The following PAK3 variants were observed in gnomAD, a reference collection of about 807,000 sequenced individuals.
PAK3 encodes serine/threonine-protein kinase PAK 3.
In PAK3, 4 loss-of-function variants were observed where a neutral mutation model predicts 41.0. The ratio of observed to expected loss-of-function variants is 0.10; its 90% CI spans 0.05 to 0.22. The LOEUF (loss-of-function observed/expected upper bound fraction) is 0.22. Among genes scored for constraint, PAK3 ranks in the 10% least tolerant of loss-of-function variants. The pLI is 1.00. For missense variants in PAK3, 205 were observed against 409.9 expected (o/e 0.50, Z 4.32); for synonymous variants, 146 against 139.6 (o/e 1.05, Z -0.32).
At chrX:111,123,331 T>A in intron 5 of PAK3, 53 bp downstream of exon 5, 2 of 1,031,954 alleles carry the variant, frequency 1.9e-6, no homozygotes, top group Non-Finnish European at 2.7e-6. Flanking sequence ...TCTTTCATTT[T>A]CACTTTCTTT....
At chrX:111,025,258 A>G (rs1186128689) in intron 1 of PAK3, among the ~76,000 whole-genome samples, 2 of 110,888 alleles carry the variant, frequency 1.8e-5, no homozygotes, top group Non-Finnish European at 3.8e-5. Context: ...AACAACCCAA[A>G]CCTAAACCCA....
chrX:111,025,244 C>A (rs183098021), intron 1 of PAK3, among the ~76,000 whole-genome samples: 2 of 110,593 alleles, frequency 1.8e-5, no homozygotes, highest in Admixed American at 1.9e-4. Flanking sequence ...ACTAGAGAAA[C>A]AAGAACAACC....
intron 1 of PAK3, among the ~76,000 whole-genome samples, chrX:111,009,251 A>G (rs781061405): frequency 1.0e-3 from 115 of 109,699 alleles, no homozygotes; most frequent in Non-Finnish European, 1.1e-3. Flanking sequence ...CTCCTTCCTC[A>G]TTTTTTCAAT....
In PAK3 at chrX:111,142,541, G is replaced by A. The variant is rs745552640; in HGVS notation, c.276+345G>A. On this transcript the variant is annotated intron_variant, in intron 6 of 17. Coordinates refer to ENST00000372007, the MANE Select transcript of PAK3 (RefSeq NM_002578.5). ...AATCAGAGAATCATCTACTCACCTTGGCCAGTGAAAATAATTCATCTGAAT... is the reference window on the plus strand; with the variant it reads ...AATCAGAGAATCATCTACTCACCTTAGCCAGTGAAAATAATTCATCTGAAT... Among the ~76,000 whole-genome samples, 8 of 111,554 alleles carry A rather than the reference G, an allele frequency of 7.2e-5. No homozygotes were observed. In the East Asian group the frequency reaches 2.3e-3, roughly 31 times the overall value.
chrX:111,210,695 G>A (rs183013458), intron 16 of PAK3, among the ~76,000 whole-genome samples: 2 of 112,157 alleles, frequency 1.8e-5, no homozygotes, highest in Admixed American at 1.9e-4. Flanking sequence ...AAAATCCACA[G>A]TTGGTTATAA....
intron 16 of PAK3, among the ~76,000 whole-genome samples, chrX:111,207,919 C>A (rs753129130): frequency 8.9e-6 from 1 of 112,276 alleles, no homozygotes; most frequent in Non-Finnish European, 1.9e-5. Flanking sequence ...CCCAGCCTCC[C>A]TAGTAGCTGA....
At chrX:111,049,104 C>A (rs897553226) in intron 1 of PAK3, among the ~76,000 whole-genome samples, 2 of 111,529 alleles carry the variant, frequency 1.8e-5, no homozygotes, top group Non-Finnish European at 3.8e-5. Context: ...AAGGCCTCTG[C>A]ACTGCTCTTT....
chrX:111,209,107 T>G (rs1434953422), intron 16 of PAK3, among the ~76,000 whole-genome samples: 1 of 111,393 alleles, frequency 9.0e-6, no homozygotes, highest in Non-Finnish European at 1.9e-5. Context: ...GTGGATCAAT[T>G]AAACCAGTAG....
chrX:110,962,910 C>T (rs1042137021), intron 1 of PAK3, among the ~76,000 whole-genome samples: 2 of 110,917 alleles, frequency 1.8e-5, no homozygotes, highest in African/African-American at 6.7e-5. Context: ...CTTTATCCCC[C>T]CTAGATGTAT....
chrX:111,017,538 A>G (rs1363496239), intron 1 of PAK3, among the ~76,000 whole-genome samples: 1 of 112,083 alleles, frequency 8.9e-6, no homozygotes, highest in Non-Finnish European at 1.9e-5. Context: ...CCAATATTGA[A>G]TTATGAAGAA....
At position 110,951,371 on chromosome X, in the gene PAK3, C is replaced by A. The variant is rs192404233; in HGVS notation, c.-28+6743C>A. On this transcript the variant is annotated intron_variant, in intron 1 of 14. Coordinates refer to the PAK3 transcript ENST00000425146. ...TTCAATCTATTCCTTTATAAGCCAA[C>A]AATGCCACAATTAGATATCCTTGCA... Among the ~76,000 whole-genome samples, 3 of 112,451 alleles carry A rather than the reference C, an allele frequency of 2.7e-5. No individual in the cohort carries two copies. The East Asian group carries it at 8.4e-4, about 31-fold the overall frequency.
At chrX:110,965,974 G>A (rs1034708046) in intron 1 of PAK3, among the ~76,000 whole-genome samples, 11 of 111,901 alleles carry the variant, frequency 9.8e-5, no homozygotes, top group Admixed American at 3.8e-4. Flanking sequence ...AGGCCACGTC[G>A]TATGCACTAT....
At position 110,962,780 on chromosome X, in the gene PAK3, G is replaced by T. The variant is rs556711602; in HGVS notation, c.-28+18152G>T. ...TAGAGTGAAAATTCTACAGCCAAAA[G>T]AAATATTTGAATGCTATTGATGTTG... On this transcript the variant is annotated intron_variant, in intron 1 of 14. Transcript: ENST00000425146. Among the ~76,000 whole-genome samples, 19 of 112,788 alleles carry T rather than the reference G, an allele frequency of 1.7e-4. No homozygotes were observed. In the South Asian group the frequency reaches 5.5e-3, roughly 33 times the overall value.
intron 16 of PAK3, 85 bp from the exon 17 acceptor site, chrX:111,216,336 A>G (rs1189257397): frequency 1.5e-6 from 1 of 648,280 alleles, no homozygotes; most frequent in East Asian, 3.2e-5. Context: ...AATGTAAACC[A>G]GAAGAAACTG....
intron 16 of PAK3, among the ~76,000 whole-genome samples, chrX:111,207,658 G>A (rs1222789675): frequency 3.6e-5 from 4 of 112,208 alleles, no homozygotes; most frequent in African/African-American, 9.7e-5. Context: ...GGAGGTGACA[G>A]CGCCATACAA....
At chrX:111,008,623 T>C (rs2091967969) in intron 1 of PAK3, among the ~76,000 whole-genome samples, 1 of 112,599 alleles carries the variant, frequency 8.9e-6, no homozygotes. Context: ...AGTTTTAGCA[T>C]GTCCACTTTA....
intron 1 of PAK3, among the ~76,000 whole-genome samples, chrX:111,086,282 C>T (rs1383394288): frequency 9.0e-6 from 1 of 111,546 alleles, no homozygotes; most frequent in Non-Finnish European, 1.9e-5. Flanking sequence ...ACAGGATACA[C>T]TCACCATCAC....
chrX:111,001,677 C>T (rs183700983), intron 1 of PAK3, among the ~76,000 whole-genome samples: 1 of 112,259 alleles, frequency 8.9e-6, no homozygotes, highest in East Asian at 2.8e-4. Context: ...AATGCATGCA[C>T]TAAACAGTAT....
chrX:111,043,383 T>C (rs1173611390), intron 1 of PAK3, among the ~76,000 whole-genome samples: 1 of 111,658 alleles, frequency 9.0e-6, no homozygotes, highest in Non-Finnish European at 1.9e-5. Context: ...AATATAAAAC[T>C]GTAGGACAGT....
Sources: gnomAD v4.1 joint callset for allele counts (sites outside exome capture counted in the v4.1 genomes callset) on GRCh38, gnomAD v4.1.1 for gene constraint, MANE v1.5 for transcripts, NCBI Gene and HGNC (gene_info 2026-07-23, HGNC 2026-07-21) for gene names.